The following UNC5C variants were observed in gnomAD, a reference collection of about 807,000 sequenced individuals.
The protein encoded by UNC5C is unc-5 netrin receptor C.
A neutral mutation model predicts 99.8 loss-of-function variants in UNC5C; 47 were observed. That is an observed-to-expected ratio of 0.47 (90% CI 0.37 to 0.60). The LOEUF (loss-of-function observed/expected upper bound fraction) is 0.60, where lower values mean the gene tolerates loss of function less well. Among genes scored for constraint, UNC5C ranks in the 20% least tolerant of loss-of-function variants. UNC5C has a pLI of 0.00. For missense variants in UNC5C, 1,062 were observed against 1,165.9 expected, an observed-to-expected ratio of 0.91 and a Z score of 1.30; for synonymous variants, 487 against 452.2, an observed-to-expected ratio of 1.08 and a Z score of -0.98.
intron 1 of UNC5C, among the ~76,000 whole-genome samples, chr4:95,339,794 G>A (rs928826553): frequency 6.6e-6 from 1 of 152,064 alleles, no homozygotes; most frequent in Non-Finnish European, 1.5e-5. Context: ...TGTGAAACAC[G>A]TTTTGTACAT....
chr4:95,481,491 C>G (rs1721152548), intron 1 of UNC5C, among the ~76,000 whole-genome samples: 1 of 151,816 alleles, frequency 6.6e-6, no homozygotes, highest in Non-Finnish European at 1.5e-5. Flanking sequence ...ACTTTCTTCA[C>G]AGAATTGGAA....
intron 9 of UNC5C, among the ~76,000 whole-genome samples, chr4:95,218,486 CTGTG>C (rs1218222300): frequency 2.0e-5 from 3 of 152,154 alleles, no homozygotes; most frequent in Admixed American, 1.3e-4. Context: ...AGGTGAAAGA[CTGTG>C]TGATCAAGTT....
intron 1 of UNC5C, among the ~76,000 whole-genome samples, chr4:95,363,149 T>C (rs1744447520): frequency 6.6e-6 from 1 of 152,156 alleles, no homozygotes; most frequent in African/African-American, 2.4e-5. Flanking sequence ...GTTTCATTTT[T>C]TAATGAGCTG....
rs775726348 is a variant in UNC5C, at chr4:95,301,757, G to A, written c.347-8C>T. Reference sequence around the variant, plus strand: ...CTTCCCGGACAATGAGACCTGACAAGAGAAAAAGAAAGATTTAAGTCAACA... The same window carrying A: ...CTTCCCGGACAATGAGACCTGACAAAAGAAAAAGAAAGATTTAAGTCAACA... On this transcript the variant is annotated splice_polypyrimidine_tract_variant and splice_region_variant and intron_variant, in intron 2 of 15. Coordinates refer to ENST00000453304, the MANE Select transcript of UNC5C (RefSeq NM_003728.4). 4.3e-6 allele frequency: 7 copies of A among 1,611,244 alleles called. No individual in the cohort carries two copies. The South Asian group carries it at 7.7e-5, about 18-fold the overall frequency.
At chr4:95,389,780 C>T (rs969750213) in intron 1 of UNC5C, among the ~76,000 whole-genome samples, 1 of 151,114 alleles carries the variant, frequency 6.6e-6, no homozygotes, top group Non-Finnish European at 1.5e-5. Flanking sequence ...GAATTTCAGA[C>T]AGTATTAAAA....
At chr4:95,452,717 T>C (rs1747313300) in intron 1 of UNC5C, among the ~76,000 whole-genome samples, 1 of 152,190 alleles carries the variant, frequency 6.6e-6, no homozygotes, top group Non-Finnish European at 1.5e-5. Flanking sequence ...AGGAATTGTT[T>C]GTTCAAGCCA....
intron 12 of UNC5C, among the ~76,000 whole-genome samples, chr4:95,195,820 C>G (rs1374199059): frequency 6.6e-6 from 1 of 151,774 alleles, no homozygotes; most frequent in Non-Finnish European, 1.5e-5. Flanking sequence ...TACAAGCTTT[C>G]ACAGAGTTAC....
intron 1 of UNC5C, among the ~76,000 whole-genome samples, chr4:95,430,857 G>A (rs374738933): frequency 4.1e-4 from 63 of 152,176 alleles, no homozygotes; most frequent in African/African-American, 1.5e-3. Flanking sequence ...GAGCTCCACA[G>A]CTTACAGAAG....
At chr4:95,450,029 G>A (rs550570557) in intron 1 of UNC5C, among the ~76,000 whole-genome samples, 1 of 152,278 alleles carries the variant, frequency 6.6e-6, no homozygotes, top group South Asian at 2.1e-4. Context: ...ATTTACTTAT[G>A]TCAATTTAAT....
chr4:95,214,627 C>T (rs1036192202), intron 10 of UNC5C, among the ~76,000 whole-genome samples: 3 of 152,216 alleles, frequency 2.0e-5, no homozygotes, highest in Admixed American at 6.5e-5. Context: ...GCTTGATCTT[C>T]AGCTGCAGAT....
At chr4:95,414,178 G>A (rs920749992) in intron 1 of UNC5C, among the ~76,000 whole-genome samples, 1 of 152,064 alleles carries the variant, frequency 6.6e-6, no homozygotes, top group Non-Finnish European at 1.5e-5. Flanking sequence ...TAAATTTCCT[G>A]TTGCAGTTTC....
In UNC5C at chr4:95,523,181, C is replaced by G. The variant is rs374642447; in HGVS notation, c.124+25553G>C. On this transcript the variant is annotated intron_variant, in intron 1 of 15. Coordinates refer to ENST00000453304, the MANE Select transcript of UNC5C (RefSeq NM_003728.4). ...TTCAGCCTCACCAAGCCTCTGGACC[C>G]TCTGGAGCATGAACTGCCCAACAGA... Among the ~76,000 whole-genome samples the G allele has an allele frequency of 1.2e-4, 18 of 152,310 alleles. No homozygotes were observed. The East Asian group carries it at 3.3e-3, about 28-fold the overall frequency.
At chr4:95,499,942 G>A (rs1197235702) in intron 1 of UNC5C, among the ~76,000 whole-genome samples, 1 of 148,040 alleles carries the variant, frequency 6.8e-6, no homozygotes, top group Admixed American at 6.9e-5. Context: ...ATTCAGTGCA[G>A]ATTTAAATTT....
intron 14 of UNC5C, among the ~76,000 whole-genome samples, chr4:95,172,784 T>C (rs1041259960): frequency 6.6e-6 from 1 of 152,112 alleles, no homozygotes. Flanking sequence ...AAGAAAGTCA[T>C]TGGTAGCTTG....
At chr4:95,536,078 A>T (rs903120314) in intron 1 of UNC5C, among the ~76,000 whole-genome samples, 54 of 103,672 alleles carry the variant, frequency 5.2e-4, no homozygotes, top group Middle Eastern at 5.3e-3. Context: ...ATATATATAT[A>T]TATATTTTTT....
rs147358275 is a variant in UNC5C, at chr4:95,240,555, A to G, written c.1108+1874T>C. Among the ~76,000 whole-genome samples the G allele has an allele frequency of 1.1e-3, 164 of 152,338 alleles. 1 individual carries two copies. Among genetic ancestry groups the G allele is most frequent in the African/African-American group, 3.8e-3 (159 of 41,590 alleles). On this transcript the variant is annotated intron_variant, in intron 7 of 15. Transcript: ENST00000453304. ...GAGCTGCAGAAATAAATAGCTTTAA[A>G]TGGAATGATTTTAACCCGAACAGCA...
intron 2 of UNC5C, among the ~76,000 whole-genome samples, chr4:95,305,049 T>C (rs749544607): frequency 2.0e-5 from 3 of 152,196 alleles, no homozygotes; most frequent in Non-Finnish European, 4.4e-5. Context: ...CTGAATTGTT[T>C]GGCTCAGGCT....
At chr4:95,485,271 A>G (rs1463991500) in intron 1 of UNC5C, among the ~76,000 whole-genome samples, 1 of 151,824 alleles carries the variant, frequency 6.6e-6, no homozygotes, top group Non-Finnish European at 1.5e-5. Flanking sequence ...AAGACAGAAT[A>G]TGACAGTCTG....
chr4:95,538,997 A>T (rs927692610), intron 1 of UNC5C, among the ~76,000 whole-genome samples: 1 of 152,228 alleles, frequency 6.6e-6, no homozygotes, highest in African/African-American at 2.4e-5. Flanking sequence ...AAAATCAAAC[A>T]TAACTCCATT....
Sources: gnomAD v4.1 joint callset for allele counts (sites outside exome capture counted in the v4.1 genomes callset) on GRCh38, gnomAD v4.1.1 for gene constraint, MANE v1.5 for transcripts, NCBI Gene and HGNC (gene_info 2026-07-23, HGNC 2026-07-21) for gene names.